Variants in DLGAP4 observed in about 807,000 individuals in gnomAD.
DLGAP4 encodes disks large-associated protein 4.
Under a neutral mutation model 86.9 loss-of-function variants are expected in DLGAP4, and 18 were observed. The ratio of observed to expected loss-of-function variants is 0.21; its 90% CI spans 0.14 to 0.31. The LOEUF is 0.31. Ranked by LOEUF, DLGAP4 falls within the 10% of genes least tolerant of loss-of-function variation. DLGAP4 has a pLI of 1.00. For synonymous variants in DLGAP4, 548 were observed against 574.3 expected, an observed-to-expected ratio of 0.95 and a Z score of 0.65; for missense variants, 1,085 against 1,362.6, an observed-to-expected ratio of 0.80 and a Z score of 3.21.
intron 1 of DLGAP4, among the ~76,000 whole-genome samples, chr20:36,364,190 C>T (rs1034940958): frequency 9.9e-5 from 15 of 152,068 alleles, no homozygotes; most frequent in African/African-American, 2.9e-4. Context: ...GTGGGAGGAC[C>T]CTTTAAGGCC....
Position 36,500,596 on chromosome 20 carries a change from A to C in DLGAP4, c.2497A>C (p.Asn833His), listed in dbSNP as rs2036102086. The C allele has an allele frequency of 2.7e-6, 4 of 1,498,646 alleles. No homozygotes were observed. Among genetic ancestry groups the C allele is most frequent in the Middle Eastern group, 1.8e-4 (1 of 5,586 alleles). The allele number at this position is 1,498,646 out of a possible 1,614,324, so 92.8% of individuals were successfully genotyped here. A position where few individuals can be genotyped will look rare whatever the true frequency, so the allele number is the denominator to read the frequency against. ...CQMDKETKEN[N>H]LSEEVLGKVL... is the part of the protein sequence containing the mutation. Reference sequence around the variant, plus strand: ...GATGGACAAGGAGACCAAAGAGAACAACCTCTCTGAAGAAGGTGGGTGCCA... The same window carrying C: ...GATGGACAAGGAGACCAAAGAGAACCACCTCTCTGAAGAAGGTGGGTGCCA... Residue 833 changes from asparagine (N) to histidine (H), a missense_variant, in exon 10 of 13, where the codon AAC (asparagine) becomes CAC (histidine). Asn to His is a moderately conservative substitution (Grantham distance 68). This residue lies in a region of DLGAP4 where 1,082 missense variants were observed against 1,344.1 expected (regional missense o/e 0.81). Transcript: ENST00000339266. This position sits in a 1 kb window ranked among gnomAD's most constrained non-coding sequence, Gnocchi z 4.6.
intron 1 of DLGAP4, among the ~76,000 whole-genome samples, chr20:36,355,710 C>T (rs1451279374): frequency 6.6e-6 from 1 of 152,224 alleles, no homozygotes; most frequent in Non-Finnish European, 1.5e-5. Flanking sequence ...TATCTGTTTG[C>T]TGGTCAATGG....
At chr20:36,410,108 A>G (rs1224449824) in intron 2 of DLGAP4, among the ~76,000 whole-genome samples, 1 of 151,666 alleles carries the variant, frequency 6.6e-6, no homozygotes, top group Non-Finnish European at 1.5e-5. Context: ...TTTATTGGGT[A>G]CCCTTCCACT....
At chr20:36,313,405 C>T (rs2065069767) in intron 1 of DLGAP4, among the ~76,000 whole-genome samples, 1 of 152,204 alleles carries the variant, frequency 6.6e-6, no homozygotes, top group Non-Finnish European at 1.5e-5. Context: ...CTGAACAGGG[C>T]CCAAGTTGGA....
chr20:36,391,344 G>A (rs1046275283), intron 2 of DLGAP4, among the ~76,000 whole-genome samples: 7 of 152,156 alleles, frequency 4.6e-5, no homozygotes, highest in African/African-American at 1.4e-4. Context: ...CAGGCCATGC[G>A]ATCTGTGGTG....
chr20:36,365,459 T>G (rs2030653431), intron 1 of DLGAP4, among the ~76,000 whole-genome samples: 1 of 152,252 alleles, frequency 6.6e-6, no homozygotes, highest in Admixed American at 6.5e-5. Flanking sequence ...TTCTGCTCCT[T>G]AACACTTTTA....
At chr20:36,388,245 A>G (rs2031666954) in intron 2 of DLGAP4, among the ~76,000 whole-genome samples, 1 of 152,086 alleles carries the variant, frequency 6.6e-6, no homozygotes, top group African/African-American at 2.4e-5. Flanking sequence ...TGCTGCCATC[A>G]GTGGAATCCA....
intron 2 of DLGAP4, among the ~76,000 whole-genome samples, chr20:36,370,843 A>C (rs1024570781): frequency 1.3e-5 from 2 of 152,202 alleles, no homozygotes; most frequent in South Asian, 2.1e-4. Flanking sequence ...AACATTAAAA[A>C]ATTTTTAAAG....
At chr20:36,462,249 C>G in intron 7 of DLGAP4, 2 of 1,235,782 alleles carry the variant, frequency 1.6e-6, no homozygotes, top group South Asian at 4.3e-5. Flanking sequence ...CTCCTCTCTG[C>G]TTTCCCCTGG....
At chr20:36,394,692 G>A (rs761184265) in intron 2 of DLGAP4, among the ~76,000 whole-genome samples, 16 of 97,386 alleles carry the variant, frequency 1.6e-4, no homozygotes, top group Admixed American at 6.8e-4. Flanking sequence ...CACCCTTTCC[G>A]GTCCCTCTCC....
At chr20:36,382,629 A>C (rs547296020) in intron 2 of DLGAP4, among the ~76,000 whole-genome samples, 1 of 145,142 alleles carries the variant, frequency 6.9e-6, no homozygotes, top group East Asian at 2.0e-4. Flanking sequence ...TCTCGGGTTC[A>C]AGTGATTCTT....
At chr20:36,392,904 G>A (rs915029886) in intron 2 of DLGAP4, among the ~76,000 whole-genome samples, 1 of 152,142 alleles carries the variant, frequency 6.6e-6, no homozygotes. Context: ...CTCTGAGGAG[G>A]TGACACTTGG....
intron 1 of DLGAP4, among the ~76,000 whole-genome samples, chr20:36,344,010 C>A (rs1438669014): frequency 6.6e-6 from 1 of 152,182 alleles, no homozygotes; most frequent in African/African-American, 2.4e-5. Context: ...GAGTGCTGTT[C>A]ACCTTGCCAG....
chr20:36,339,888 A>C (rs2065360201), intron 1 of DLGAP4, among the ~76,000 whole-genome samples: 1 of 152,126 alleles, frequency 6.6e-6, no homozygotes, highest in East Asian at 1.9e-4. Context: ...ATGGCAGAGG[A>C]GGGAAGATCC....
At chr20:36,458,635 G>A (rs1052742156) in intron 7 of DLGAP4, among the ~76,000 whole-genome samples, 1 of 151,954 alleles carries the variant, frequency 6.6e-6, no homozygotes, top group African/African-American at 2.4e-5. Flanking sequence ...GGAGGCAGAG[G>A]TTGCAGTGAG....
Position 36,500,474 on chromosome 20 carries a change from C to T in DLGAP4, c.2375C>T (p.Ala792Val). Residue 792 changes from alanine (A) to valine (V), a missense_variant, in exon 10 of 13, where the codon GCA (alanine) becomes GTA (valine). Physicochemically the swap from Ala to Val is moderately conservative, Grantham distance 64 (BLOSUM62 0). This residue lies in a region of DLGAP4 where 1,082 missense variants were observed against 1,344.1 expected (regional missense o/e 0.81). Coordinates refer to ENST00000339266, the MANE Select transcript of DLGAP4 (RefSeq NM_001365621.2). The surrounding 1 kb of genome is among the most constrained non-coding windows in gnomAD (Gnocchi z 4.6). ...PWLETSSSSP[A>V]EPAQPGACRR... ...CTCGAGACCTCCTCCAGCTCCCCAG[C>T]AGAGCCGGCACAGCCAGGGGCCTGC... is the stretch of plus-strand genomic sequence containing the variant. 6.3e-7 allele frequency: 1 copy of T among 1,592,008 alleles called. No individual in the cohort carries two copies. Among genetic ancestry groups the T allele is most frequent in the Non-Finnish European group, 8.6e-7 (1 of 1,168,342 alleles).
chr20:36,386,058 G>A (rs1417165983), intron 2 of DLGAP4, among the ~76,000 whole-genome samples: 2 of 152,132 alleles, frequency 1.3e-5, no homozygotes, highest in African/African-American at 2.4e-5. Flanking sequence ...AAGGAAGGCG[G>A]GGGCCTCGGC....
At chr20:36,515,012 G>A (rs1485404301) in intron 10 of DLGAP4, among the ~76,000 whole-genome samples, 1 of 152,076 alleles carries the variant, frequency 6.6e-6, no homozygotes, top group Non-Finnish European at 1.5e-5. Context: ...TTTGAAACTG[G>A]CATCCAGGAG....
chr20:36,481,895 A>G (rs2035202466), intron 7 of DLGAP4, among the ~76,000 whole-genome samples: 1 of 152,136 alleles, frequency 6.6e-6, no homozygotes, highest in Non-Finnish European at 1.5e-5. Flanking sequence ...AGCTGACGTC[A>G]CTAAGCCATT....
Sources: allele counts gnomAD v4.1 joint callset (sites outside exome capture counted in the v4.1 genomes callset), GRCh38; gene constraint gnomAD v4.1.1; regional missense constraint gnomAD v4.1.1; non-coding constraint Gnocchi (gnomAD v3.1); transcripts MANE v1.5; gene names NCBI Gene and HGNC (gene_info 2026-07-23, HGNC 2026-07-21).